Variants in SPTBN1 observed in about 807,000 individuals in gnomAD.
SPTBN1 encodes the protein spectrin beta, non-erythrocytic 1, also known as spectrin beta chain, non-erythrocytic 1.
SPTBN1 carries 32 observed loss-of-function variants against 266.4 expected under a neutral mutation model. The ratio of observed to expected loss-of-function variants is 0.12; its 90% confidence interval spans 0.09 to 0.16. The LOEUF (loss-of-function observed/expected upper bound fraction) is 0.16. Among genes scored for constraint, SPTBN1 ranks in the 10% least tolerant of loss-of-function variants. The pLI, the probability that SPTBN1 is intolerant of heterozygous loss-of-function variation, is 1.00. For synonymous variants in SPTBN1, 1,336 were observed against 1,162.2 expected (o/e 1.15, Z -3.04); for missense variants, 2,296 against 3,067.1 (o/e 0.75, Z 5.94).
At chr2:54,560,038 G>C (rs1325814230) in intron 2 of SPTBN1, among the ~76,000 whole-genome samples, 1 of 152,170 alleles carries the variant, frequency 6.6e-6, no homozygotes, top group Non-Finnish European at 1.5e-5. Flanking sequence ...ACATTCCTCT[G>C]GCAGTTAGCT....
Position 54,558,758 on chromosome 2 carries a change from C to T in SPTBN1, c.148+32192C>T, listed in dbSNP as rs766088461. ...GCGAGATTTCCAGGGCGCAGTCCTC[C>T]GGGGCGTTACGCCGGGCATAATGGA... is the stretch of plus-strand genomic sequence containing the variant. On this transcript the variant is annotated intron_variant, in intron 2 of 35. Transcript: ENST00000356805. This position sits in a 1 kb window ranked among gnomAD's most constrained non-coding sequence, Gnocchi z 4.6. 1 of 1,608,734 alleles carries T rather than the reference C, an allele frequency of 6.2e-7. No individual in the cohort carries two copies. The highest frequency in any genetic ancestry group is 2.2e-5 in the East Asian group (1 of 44,466).
Position 54,649,700 on chromosome 2 carries a change from A to T in SPTBN1, c.5288A>T (p.Asp1763Val), listed in dbSNP as rs1189125951. 6.2e-7 allele frequency: 1 copy of T among 1,614,054 alleles called. No homozygotes were observed. Among genetic ancestry groups the T allele is most frequent in the African/African-American group, 1.3e-5 (1 of 74,920 alleles). The change falls in exon 26 of 36, where the codon GAT becomes GTT. Residue 1763 changes from aspartate to valine, a missense_variant. Asp to Val is a radical substitution (Grantham distance 152). Coordinates refer to ENST00000356805, the MANE Select transcript of SPTBN1 (RefSeq NM_003128.3). This position sits in a 1 kb window ranked among gnomAD's most constrained non-coding sequence, Gnocchi z 6.7. ...ERVDTVNHLADELINSGHSDA... is the reference protein window; with the variant it reads ...ERVDTVNHLAVELINSGHSDA... Reference sequence around the variant, plus strand: ...GTGGACACGGTCAATCACCTGGCAGATGAGCTCATCAACTCTGGACATTCA... The same window carrying T: ...GTGGACACGGTCAATCACCTGGCAGTTGAGCTCATCAACTCTGGACATTCA...
chr2:54,544,793 A>ATTTAAGTTTT (rs1443257658), intron 2 of SPTBN1, among the ~76,000 whole-genome samples: 1 of 152,148 alleles, frequency 6.6e-6, no homozygotes, highest in Non-Finnish European at 1.5e-5. Flanking sequence ...ATTTTTTATT[A>ATTTAAGTTTT]TACTTTAAGT....
intron 29 of SPTBN1, among the ~76,000 whole-genome samples, chr2:54,656,663 C>T (rs927524133): frequency 6.6e-6 from 1 of 152,186 alleles, no homozygotes; most frequent in Admixed American, 6.5e-5. Context: ...TCCTTATGTT[C>T]TAACTCCATC....
intron 1 of SPTBN1, among the ~76,000 whole-genome samples, chr2:54,477,093 T>C (rs998907390): frequency 6.6e-6 from 1 of 152,126 alleles, no homozygotes; most frequent in African/African-American, 2.4e-5. Context: ...AGTTTTGAAA[T>C]GAGATACTAC....
chr2:54,515,328 GCA>G (rs1670057810), intron 1 of SPTBN1, among the ~76,000 whole-genome samples: 1 of 152,180 alleles, frequency 6.6e-6, no homozygotes, highest in Admixed American at 6.5e-5. Flanking sequence ...CTGGTCTGCT[GCA>G]CAGCCAGCTC....
chr2:54,490,590 G>T (rs1028645032), intron 1 of SPTBN1, among the ~76,000 whole-genome samples: 1 of 152,174 alleles, frequency 6.6e-6, no homozygotes, highest in Non-Finnish European at 1.5e-5. Context: ...TTAATCTGCT[G>T]TTCCTGAATT....
At chr2:54,573,619 TCA>T (rs999613542) in intron 2 of SPTBN1, among the ~76,000 whole-genome samples, 1 of 152,236 alleles carries the variant, frequency 6.6e-6, no homozygotes, top group Non-Finnish European at 1.5e-5. Context: ...CAGCGGGAAT[TCA>T]CAGTGTAACT....
At chr2:54,468,004 C>A (rs1012300323) in intron 1 of SPTBN1, among the ~76,000 whole-genome samples, 1 of 152,074 alleles carries the variant, frequency 6.6e-6, no homozygotes, top group Non-Finnish European at 1.5e-5. Context: ...CGGAAACATA[C>A]AGTTAATATT....
intron 24 of SPTBN1, 82 bp from the exon 25 acceptor site, chr2:54,648,904 A>G (rs1680088239): frequency 1.6e-6 from 2 of 1,276,530 alleles, no homozygotes; most frequent in Non-Finnish European, 2.2e-6. Flanking sequence ...CTCTCCCATT[A>G]TCTCCACCTC....
intron 1 of SPTBN1, among the ~76,000 whole-genome samples, chr2:54,493,735 T>G (rs6743902): frequency 0.03 from 4,534 of 152,290 alleles, 266 homozygotes; most frequent in African/African-American, 0.1. Flanking sequence ...AGGTTAAAAT[T>G]GAAGAAGAGG....
chr2:54,648,688 C>T (rs1349238730), intron 24 of SPTBN1, among the ~76,000 whole-genome samples: 1 of 152,240 alleles, frequency 6.6e-6, no homozygotes, highest in Non-Finnish European at 1.5e-5. Context: ...CCGCTAAATT[C>T]TCCTGCCCCC....
Position 54,629,735 on chromosome 2 carries a change from G to A in SPTBN1, c.2601G>A (p.Glu867=), listed in dbSNP as rs376697382. 315 of 1,612,250 alleles carry A rather than the reference G, an allele frequency of 2.0e-4. No homozygotes were observed. Among genetic ancestry groups the A allele is most frequent in the Non-Finnish European group, 2.5e-4 (295 of 1,180,018 alleles). Residue 867 remains glutamate (E), a synonymous_variant, in exon 14 of 36, where the codon GAG becomes GAA. Coordinates refer to ENST00000356805, the MANE Select transcript of SPTBN1 (RefSeq NM_003128.3). ...ATGCCTGTGAGCTCTGGATCGACGA[G>A]AAGGAGCAGTGGCTCAACAACATGC... The part of the protein sequence containing the change: ...EADACELWID[E]KEQWLNNMQI...
intron 2 of SPTBN1, among the ~76,000 whole-genome samples, chr2:54,592,698 T>C (rs1300184564): frequency 6.6e-6 from 1 of 152,220 alleles, no homozygotes; most frequent in African/African-American, 2.4e-5. Flanking sequence ...TACCTCATCC[T>C]TTTTTTCTAA....
intron 19 of SPTBN1, among the ~76,000 whole-genome samples, chr2:54,643,990 A>C (rs1046670391): frequency 2.6e-5 from 4 of 151,272 alleles, no homozygotes; most frequent in Middle Eastern, 6.9e-3. Context: ...AACAATAATA[A>C]TAATAATAAT....
At chr2:54,565,382 A>G (rs1409902925) in intron 2 of SPTBN1, among the ~76,000 whole-genome samples, 2 of 152,054 alleles carry the variant, frequency 1.3e-5, no homozygotes, top group Admixed American at 6.5e-5. Context: ...TCAGGAATGG[A>G]CTCTGTCCTG....
intron 1 of SPTBN1, among the ~76,000 whole-genome samples, chr2:54,508,676 C>T (rs1382707610): frequency 2.0e-5 from 3 of 151,976 alleles, no homozygotes; most frequent in Non-Finnish European, 2.9e-5. Context: ...GAAGTTTCAG[C>T]GAGGGAGTAG....
rs773594291 is a variant in SPTBN1, at chr2:54,665,922, C to T, written c.6667C>T (p.His2223Tyr). 2 of 1,613,106 alleles carry T rather than the reference C, an allele frequency of 1.2e-6. No homozygotes were observed. The highest frequency in any genetic ancestry group is 2.2e-5 in the East Asian group (1 of 44,868). Residue 2223 changes from histidine (H) to tyrosine (Y), a missense_variant, in exon 34 of 36, where the codon CAC (histidine) becomes TAC (tyrosine). Coordinates refer to ENST00000356805, the MANE Select transcript of SPTBN1 (RefSeq NM_003128.3). ...HNKKASSRSW[H>Y]NVYCVINNQE... ...TTTTTTTAAACTGCACAGGTCCTGG[C>T]ACAATGTTTATTGTGTCATAAATAA...
At chr2:54,612,079 G>A in intron 3 of SPTBN1, 82 bp from the exon 4 acceptor site, 1 of 1,337,838 alleles carries the variant, frequency 7.5e-7, no homozygotes, top group South Asian at 1.5e-5. Flanking sequence ...GCATGAATGG[G>A]CACATGTGAC....
Sources: allele counts gnomAD v4.1 joint callset (sites outside exome capture counted in the v4.1 genomes callset), GRCh38; gene constraint gnomAD v4.1.1; non-coding constraint Gnocchi (gnomAD v3.1); transcripts MANE v1.5; gene names NCBI Gene and HGNC (gene_info 2026-07-23, HGNC 2026-07-21).